PRH1: variants seen among roughly 807,000 people sequenced by gnomAD.
PRH1 encodes the protein salivary acidic proline-rich phosphoprotein 1/2.
Under a neutral mutation model 7.9 loss-of-function variants are expected in PRH1, and 7 were observed. That is an observed-to-expected ratio of 0.89 (90% confidence interval 0.50 to 1.67). PRH1 has a LOEUF of 1.67. Ranked by LOEUF, PRH1 falls within the 40% of genes most tolerant of loss-of-function variation. The pLI is 0.00. For synonymous variants in PRH1, 45 were observed against 80.8 expected (o/e 0.56, Z 2.38); for missense variants, 109 against 223.6 (o/e 0.49, Z 3.27).
At chr12:11,021,774 A>C (rs576069733) in intron 1 of PRH1, 1 of 1,614,242 alleles carries the variant, frequency 6.2e-7, no homozygotes, top group Admixed American at 1.7e-5. Context: ...TGATTGCAAC[A>C]GTTTGGCAAA....
At chr12:10,897,509 T>C (rs1483835086) in intron 2 of PRH1, among the ~76,000 whole-genome samples, 1 of 152,182 alleles carries the variant, frequency 6.6e-6, no homozygotes, top group Non-Finnish European at 1.5e-5. Flanking sequence ...TTAAGTGAAT[T>C]AGTCTATTCT....
At chr12:11,020,750 C>T (rs1481565256) in intron 1 of PRH1, among the ~76,000 whole-genome samples, 1 of 98,460 alleles carries the variant, frequency 1.0e-5, no homozygotes, top group Admixed American at 1.2e-4. Context: ...CTTTGATTGG[C>T]CTGTTTTTTT....
chr12:11,071,144 A>G (rs1282490635), intron 1 of PRH1, among the ~76,000 whole-genome samples: 1 of 132,590 alleles, frequency 7.5e-6, no homozygotes, highest in East Asian at 2.0e-4. Context: ...TCTCCTGAGA[A>G]CTGACAGTCA....
chr12:11,020,313 CCT>C (rs1277737292), intron 1 of PRH1, among the ~76,000 whole-genome samples: 21 of 148,542 alleles, frequency 1.4e-4, no homozygotes, highest in Non-Finnish European at 2.7e-4. Context: ...ACAGATATGA[CCT>C]CTCTTTTTAT....
intron 2 of PRH1, chr12:10,965,398 T>G: frequency 1.2e-6 from 1 of 802,384 alleles, no homozygotes; most frequent in Non-Finnish European, 1.9e-6. Flanking sequence ...CTAACAGCAC[T>G]GGCTGTGATC....
rs187187082 is a variant in PRH1 at position 10,916,336 on chromosome 12, C to G, written c.-58-32061G>C. On this transcript the variant is annotated intron_variant, in intron 2 of 3. Transcript: ENST00000539853. Reference sequence around the variant, plus strand: ...GGATGGGGACACAGAAAAACCATATCAAACCCTGTTCCAGAGATGCAGTTT... The same window carrying G: ...GGATGGGGACACAGAAAAACCATATGAAACCCTGTTCCAGAGATGCAGTTT... Among the ~76,000 whole-genome samples, 28 of 152,242 alleles carry G rather than the reference C, an allele frequency of 1.8e-4. No individual in the cohort carries two copies. In the East Asian group the frequency reaches 4.2e-3, roughly 23 times the overall value.
At chr12:11,160,871 T>C (rs1158841944) in intron 1 of PRH1, among the ~76,000 whole-genome samples, 1 of 152,228 alleles carries the variant, frequency 6.6e-6, no homozygotes, top group Non-Finnish European at 1.5e-5. Context: ...AAACAAGCTA[T>C]ACCATGCATC....
upstream of PRH1, among the ~76,000 whole-genome samples, chr12:11,048,134 C>CCA (rs1342595758): frequency 5.6e-5 from 7 of 125,896 alleles, no homozygotes; most frequent in Non-Finnish European, 5.4e-5. Flanking sequence ...ACACATATAC[C>CCA]CACACACATA....
intron 1 of PRH1, among the ~76,000 whole-genome samples, chr12:11,041,192 C>T (rs35851461): frequency 0.21 from 31,136 of 147,458 alleles, 3,825 homozygotes; most frequent in Non-Finnish European, 0.27. Context: ...AAAAAAAACT[C>T]CAATCTGTTG....
At chr12:11,041,512 G>A (rs918931771) in intron 1 of PRH1, among the ~76,000 whole-genome samples, 1 of 152,104 alleles carries the variant, frequency 6.6e-6, no homozygotes, top group Non-Finnish European at 1.5e-5. Context: ...AAAGAGAAAA[G>A]CCTCAATTCA....
At chr12:11,170,132 TAC>T (rs1353298473) in intron 1 of PRH1, among the ~76,000 whole-genome samples, 1 of 152,320 alleles carries the variant, frequency 6.6e-6, no homozygotes, top group East Asian at 1.9e-4. Flanking sequence ...GATTAAAAAA[TAC>T]AGTGCTTTCT....
intron 1 of PRH1, chr12:10,973,751 T>C (rs933499004): frequency 3.9e-6 from 3 of 776,702 alleles, no homozygotes; most frequent in Non-Finnish European, 7.2e-6. Context: ...AGGCCAAAAT[T>C]ATATTTTCAA....
chr12:10,953,242 A>G (rs1937777325), intron 2 of PRH1, among the ~76,000 whole-genome samples: 1 of 152,134 alleles, frequency 6.6e-6, no homozygotes, highest in Non-Finnish European at 1.5e-5. Flanking sequence ...CTTACCTCCA[A>G]ATGACCACGC....
intron 2 of PRH1, among the ~76,000 whole-genome samples, chr12:10,922,825 C>CTTTTTTTTTTTTTTTTTTTTTTT (rs139253542): frequency 8.8e-6 from 1 of 113,576 alleles, no homozygotes; most frequent in Non-Finnish European, 1.8e-5. Context: ...TGAATTTTTT[C>CTTTTTTTTTTTTTTTTTTTTTTT]TTTTTCTTTT....
At chr12:11,041,304 A>T (rs1306239382) in intron 1 of PRH1, among the ~76,000 whole-genome samples, 1 of 147,348 alleles carries the variant, frequency 6.8e-6, no homozygotes, top group East Asian at 1.9e-4. Context: ...AAAAAAAAAA[A>T]AAAAAAACAA....
intron 1 of PRH1, among the ~76,000 whole-genome samples, chr12:11,148,346 G>A (rs1946939082): frequency 6.6e-6 from 1 of 150,804 alleles, no homozygotes; most frequent in Non-Finnish European, 1.5e-5. Context: ...TGGTGAGAGA[G>A]GGCATCCCTG....
chr12:11,121,943 G>A (rs796982184), intron 1 of PRH1, among the ~76,000 whole-genome samples: 6 of 130,992 alleles, frequency 4.6e-5, no homozygotes, highest in South Asian at 2.4e-4. Flanking sequence ...AAAGCTATAT[G>A]TTCTTAATTA....
At chr12:11,048,370 T>G (rs572909807), upstream of PRH1, 4 of 295,342 alleles carry the variant, frequency 1.4e-5, no homozygotes, top group South Asian at 2.3e-4. Flanking sequence ...GCATTTCACC[T>G]GTCACAAAGC....
rs565456377 is a variant in PRH1, at chr12:10,922,556, T to C, written c.-58-38281A>G. On this transcript the variant is annotated intron_variant, in intron 2 of 3. Transcript: ENST00000539853. ...ATGGTTTAGGTGTGTAAATGTTTCA[T>C]GTGTATTTGAATGTTTGTGTCCAGA... Among the ~76,000 whole-genome samples the C allele has an allele frequency of 1.1e-4, 17 of 152,320 alleles. No individual in the cohort carries two copies. The South Asian group carries it at 3.3e-3, about 30-fold the overall frequency.
Sources: allele counts gnomAD v4.1 joint callset (sites outside exome capture counted in the v4.1 genomes callset), GRCh38; gene constraint gnomAD v4.1.1; transcripts MANE v1.5; gene names NCBI Gene and HGNC (gene_info 2026-07-23, HGNC 2026-07-21).